MTMR3: variants seen among roughly 807,000 people sequenced by gnomAD.
The protein encoded by MTMR3 is phosphatidylinositol-3,5-bisphosphate 3-phosphatase MTMR3.
MTMR3 carries 32 observed loss-of-function variants against 132.4 expected under a neutral mutation model. The ratio of observed to expected loss-of-function variants is 0.24; its 90% CI spans 0.18 to 0.32. MTMR3 has a LOEUF of 0.32. MTMR3 is among the 10% of genes least tolerant of loss of function. The probability of loss-of-function intolerance (pLI) is 1.00; values close to 1 mark genes in which losing one functional copy is unlikely to be tolerated. For synonymous variants in MTMR3, 556 were observed against 550.3 expected (o/e 1.01, Z -0.14); for missense variants, 1,216 against 1,489.6 (o/e 0.82, Z 3.02).
Position 29,933,079 on chromosome 22 carries a change from C to T in MTMR3, c.-137-23957C>T, listed in dbSNP as rs572102966. ...TGCCTCCTGGGTTCAAGCGATTCTC[C>T]TGCTTCAGCCTCCCTAGTAGCTGGG... is the stretch of plus-strand genomic sequence containing the variant. On this transcript the variant is annotated intron_variant, in intron 1 of 19. Coordinates refer to ENST00000401950, the MANE Select transcript of MTMR3 (RefSeq NM_021090.4). Among the ~76,000 whole-genome samples the T allele has an allele frequency of 2.4e-4, 36 of 152,248 alleles. 1 individual carries two copies. The East Asian group carries it at 6.4e-3, about 27-fold the overall frequency.
In MTMR3 at chr22:29,975,956, G is replaced by A. The variant is rs926822233; in HGVS notation, c.4-2486G>A. On this transcript the variant is annotated intron_variant, in intron 3 of 19. Transcript: ENST00000401950. ...CAGTGTAGAATCTGAAACCATATCA[G>A]TGAACTTTTTGTATTATATTACATT... Among the ~76,000 whole-genome samples, 8 of 152,128 alleles carry A rather than the reference G, an allele frequency of 5.3e-5. 2 individuals are homozygous for A. Among genetic ancestry groups the A allele is most frequent in the Non-Finnish European group, 4.4e-5 (3 of 68,024 alleles).
intron 1 of MTMR3, among the ~76,000 whole-genome samples, chr22:29,899,407 T>C (rs1436536985): frequency 6.6e-6 from 1 of 152,216 alleles, no homozygotes; most frequent in African/African-American, 2.4e-5. Context: ...GAGTAGAATA[T>C]GTTTATTCTG....
intron 1 of MTMR3, among the ~76,000 whole-genome samples, chr22:29,924,473 GT>G (rs60568937): frequency 0.29 from 44,435 of 152,012 alleles, 7,626 homozygotes; most frequent in East Asian, 0.61. Context: ...CAGCTTTGTA[GT>G]AAGTTTTGCA....
At chr22:29,896,108 A>G (rs2064890096) in intron 1 of MTMR3, among the ~76,000 whole-genome samples, 1 of 152,142 alleles carries the variant, frequency 6.6e-6, no homozygotes, top group Non-Finnish European at 1.5e-5. Flanking sequence ...CCAGGAGTTC[A>G]AGACCAGCCT....
chr22:29,975,844 G>A (rs1054861561), intron 3 of MTMR3, among the ~76,000 whole-genome samples: 1 of 152,164 alleles, frequency 6.6e-6, no homozygotes, highest in African/African-American at 2.4e-5. Context: ...GGGCTCAAGC[G>A]ATCTGCCCAC....
intron 7 of MTMR3, chr22:29,998,156 G>A (rs1569042185): frequency 6.6e-6 from 1 of 152,214 alleles, no homozygotes; most frequent in Non-Finnish European, 1.5e-5. Flanking sequence ...ATAATAACCT[G>A]TTTTAATTTT....
At chr22:29,997,201 C>T (rs1274043740) in intron 7 of MTMR3, 2 of 152,178 alleles carry the variant, frequency 1.3e-5, no homozygotes, top group Non-Finnish European at 2.9e-5. Flanking sequence ...CTCTCAACCT[C>T]ATCTTTTTAT....
At chr22:29,914,854 CAT>C (rs1203100194) in intron 1 of MTMR3, among the ~76,000 whole-genome samples, 1 of 152,140 alleles carries the variant, frequency 6.6e-6, no homozygotes, top group African/African-American at 2.4e-5. Context: ...CACAAAATGA[CAT>C]ATTGTGTACT....
chr22:29,904,660 A>G (rs1158549954), intron 1 of MTMR3, among the ~76,000 whole-genome samples: 1 of 152,260 alleles, frequency 6.6e-6, no homozygotes, highest in Non-Finnish European at 1.5e-5. Flanking sequence ...AGTGATAACA[A>G]CACTACAGTT....
At chr22:29,905,508 C>T (rs1266357660) in intron 1 of MTMR3, among the ~76,000 whole-genome samples, 1 of 152,128 alleles carries the variant, frequency 6.6e-6, no homozygotes, top group Non-Finnish European at 1.5e-5. Flanking sequence ...AGCCCTTTTA[C>T]CATGTGTGTA....
rs1032217502 is a variant in MTMR3 at position 30,030,626 on chromosome 22, G to T, written c.*4825G>T. On this transcript the variant is annotated 3_prime_UTR_variant, in exon 20 of 20. Transcript: ENST00000401950. ...GCCTCTTAGGAGAGAGGGGCTCTCAGCGAGGAGGGGGCGGGGGGGGGGTCA... is the reference window on the plus strand; with the variant it reads ...GCCTCTTAGGAGAGAGGGGCTCTCATCGAGGAGGGGGCGGGGGGGGGGTCA... 2 of 116,320 alleles carry T rather than the reference G, an allele frequency of 1.7e-5. No individual in the cohort carries two copies. Among genetic ancestry groups the T allele is most frequent in the African/African-American group, 6.9e-5 (2 of 28,856 alleles). The allele number at this position is 116,320 out of a possible 1,614,324, so 7.2% of individuals were successfully genotyped here.
At chr22:29,949,162 A>G (rs2145828800) in intron 1 of MTMR3, among the ~76,000 whole-genome samples, 1 of 44,168 alleles carries the variant, frequency 2.3e-5, no homozygotes, top group South Asian at 1.3e-3. Context: ...CCCCCCCCCG[A>G]GGCCCTGTCT....
intron 1 of MTMR3, among the ~76,000 whole-genome samples, chr22:29,909,936 A>C (rs1602452296): frequency 6.6e-6 from 1 of 152,024 alleles, no homozygotes; most frequent in Non-Finnish European, 1.5e-5. Context: ...CGGGCGGATC[A>C]TGAGATGAGG....
At chr22:29,971,203 CTTT>C in intron 3 of MTMR3, 141 bp downstream of exon 3, 3 of 768,268 alleles carry the variant, frequency 3.9e-6, no homozygotes, top group Non-Finnish European at 3.7e-6. Context: ...TCTCTTGTGT[CTTT>C]TCTTTTCTTG....
chr22:29,991,568 C>T lies in MTMR3; in HGVS notation c.358C>T (p.Pro120Ser), dbSNP rs768837924. 3 of 1,613,968 alleles carry T rather than the reference C, an allele frequency of 1.9e-6. No individual in the cohort carries two copies. Among genetic ancestry groups the T allele is most frequent in the Non-Finnish European group, 2.5e-6 (3 of 1,179,998 alleles). Residue 120 changes from proline (P) to serine (S), a missense_variant, in exon 7 of 20, where the codon CCA becomes TCA. Pro to Ser is a moderately conservative substitution (Grantham distance 74, BLOSUM62 -1). This residue lies in a region of MTMR3 where 129 missense variants were observed against 245.7 expected (regional missense o/e 0.53). Coordinates refer to ENST00000401950, the MANE Select transcript of MTMR3 (RefSeq NM_021090.4). The part of the protein sequence containing the change: ...WLKRLNNAIR[P>S]PAKIEDLFSF... ...GAAGAGACTGAACAACGCAATCCGACCACCTGCTAAAATAGAAGATCTCTT... is the reference window on the plus strand; with the variant it reads ...GAAGAGACTGAACAACGCAATCCGATCACCTGCTAAAATAGAAGATCTCTT...
intron 1 of MTMR3, among the ~76,000 whole-genome samples, chr22:29,921,502 T>C (rs1457746026): frequency 6.7e-6 from 1 of 150,210 alleles, no homozygotes; most frequent in Non-Finnish European, 1.5e-5. Flanking sequence ...CTTATTACTT[T>C]TTAATGGATG....
At chr22:29,971,726 T>A (rs1424563114) in intron 3 of MTMR3, among the ~76,000 whole-genome samples, 1 of 152,092 alleles carries the variant, frequency 6.6e-6, no homozygotes, top group African/African-American at 2.4e-5. Context: ...TAATGGACAA[T>A]TTAATGACTT....
chr22:29,945,758 A>T (rs1602532615), intron 1 of MTMR3, among the ~76,000 whole-genome samples: 1 of 152,066 alleles, frequency 6.6e-6, no homozygotes, highest in East Asian at 1.9e-4. Flanking sequence ...ATTGAAGGAC[A>T]CATGGGCCTT....
chr22:29,937,364 T>A (rs1425601850), intron 1 of MTMR3, among the ~76,000 whole-genome samples: 1 of 150,786 alleles, frequency 6.6e-6, no homozygotes, highest in Non-Finnish European at 1.5e-5. Flanking sequence ...GGGAGCTATT[T>A]GTTCTATTCC....
Sources: gnomAD v4.1 joint callset for allele counts (sites outside exome capture counted in the v4.1 genomes callset) on GRCh38, gnomAD v4.1.1 for gene constraint, gnomAD v4.1.1 regional missense constraint, MANE v1.5 for transcripts, NCBI Gene and HGNC (gene_info 2026-07-23, HGNC 2026-07-21) for gene names.